The following KMT2C variants were observed in gnomAD, a reference collection of about 807,000 sequenced individuals.
The protein encoded by KMT2C is histone-lysine N-methyltransferase 2C.
A neutral mutation model predicts 507.9 loss-of-function variants in KMT2C; 88 were observed. The observed-to-expected ratio is 0.17, with a 90% CI of 0.15 to 0.21. The LOEUF is 0.21. KMT2C is among the 10% of genes least tolerant of loss of function. KMT2C has a pLI of 1.00. For missense variants in KMT2C, 4,954 were observed against 5,957.8 expected, an observed-to-expected ratio of 0.83 and a Z score of 5.55; for synonymous variants, 2,049 against 2,080.8, an observed-to-expected ratio of 0.98 and a Z score of 0.42.
intron 1 of KMT2C, among the ~76,000 whole-genome samples, chr7:152,359,331 T>G (rs2097177248): frequency 6.7e-6 from 1 of 149,994 alleles, no homozygotes; most frequent in Non-Finnish European, 1.5e-5. Flanking sequence ...CTTTGAATTG[T>G]ACTAAATACG....
At chr7:152,175,525 T>C (rs915923269) in intron 38 of KMT2C, among the ~76,000 whole-genome samples, 1 of 149,182 alleles carries the variant, frequency 6.7e-6, no homozygotes, top group African/African-American at 2.5e-5. Flanking sequence ...TGTCCATGTG[T>C]TCTCACTGTT....
At chr7:152,317,936 G>A (rs993870701) in intron 3 of KMT2C, among the ~76,000 whole-genome samples, 8 of 151,942 alleles carry the variant, frequency 5.3e-5, no homozygotes, top group African/African-American at 1.7e-4. Context: ...TCTGGAGTTC[G>A]AGACCAGCCC....
At chr7:152,397,224 C>T (rs1179645855) in intron 1 of KMT2C, among the ~76,000 whole-genome samples, 3 of 150,266 alleles carry the variant, frequency 2.0e-5, no homozygotes, top group African/African-American at 7.4e-5. Flanking sequence ...TAGATGGAGT[C>T]TCACTCTGTT....
At chr7:152,222,735 C>T in intron 20 of KMT2C, 53 bp from the exon 21 acceptor site, 4 of 989,824 alleles carry the variant, frequency 4.0e-6, no homozygotes, top group South Asian at 2.7e-5. Context: ...ATACTGAGAA[C>T]TGCTACCTTT....
chr7:152,157,990 T>C, intron 44 of KMT2C: 1 of 1,160,476 alleles, frequency 8.6e-7, no homozygotes, highest in Non-Finnish European at 1.1e-6. Flanking sequence ...CTCAACTTTC[T>C]AAGACCCGAA....
chr7:152,367,250 G>C, intron 1 of KMT2C: 2 of 1,398,482 alleles, frequency 1.4e-6, no homozygotes, highest in Non-Finnish European at 2.0e-6. Context: ...ACGGTCATCA[G>C]AGAAGAAGGA....
chr7:152,302,261 A>C (rs900369541), intron 6 of KMT2C, among the ~76,000 whole-genome samples: 17 of 151,694 alleles, frequency 1.1e-4, no homozygotes, highest in African/African-American at 4.1e-4. Context: ...TTTGAGATGG[A>C]GTTTTAGGCA....
chr7:152,228,831 C>T (rs2095018945), intron 18 of KMT2C, among the ~76,000 whole-genome samples: 1 of 152,056 alleles, frequency 6.6e-6, no homozygotes, highest in Non-Finnish European at 1.5e-5. Context: ...TTTTAATTGG[C>T]TTTATATACT....
At chr7:152,423,596 G>T (rs2097792086) in intron 1 of KMT2C, among the ~76,000 whole-genome samples, 1 of 152,172 alleles carries the variant, frequency 6.6e-6, no homozygotes, top group Non-Finnish European at 1.5e-5. Context: ...TAGATAAAGG[G>T]AGACACTCCT....
chr7:152,286,010 A>AAT (rs2096290495), intron 6 of KMT2C, among the ~76,000 whole-genome samples: 1 of 152,298 alleles, frequency 6.6e-6, no homozygotes, highest in African/African-American at 2.4e-5. Flanking sequence ...TTCTACAACT[A>AAT]ATAAGTATGG....
intron 9 of KMT2C, among the ~76,000 whole-genome samples, chr7:152,255,706 T>C (rs1298862926): frequency 6.6e-6 from 1 of 152,118 alleles, no homozygotes; most frequent in Non-Finnish European, 1.5e-5. Flanking sequence ...AGGTTCCAGA[T>C]ATAAGTTCAA....
intron 23 of KMT2C, among the ~76,000 whole-genome samples, chr7:152,215,119 G>T (rs2129142649): frequency 6.6e-6 from 1 of 151,866 alleles, no homozygotes; most frequent in South Asian, 2.1e-4. Context: ...AGTTTTAAAT[G>T]CATTATGTCT....
At chr7:152,315,419 T>C in intron 3 of KMT2C, 81 bp from the exon 4 acceptor site, 1 of 974,030 alleles carries the variant, frequency 1.0e-6, no homozygotes, top group Non-Finnish European at 1.6e-6. Flanking sequence ...TAGATACTTG[T>C]GCTTTTAAAT....
intron 15 of KMT2C, among the ~76,000 whole-genome samples, chr7:152,237,325 A>C (rs2095295487): frequency 6.6e-6 from 1 of 151,954 alleles, no homozygotes; most frequent in Admixed American, 6.5e-5. Context: ...GAACAAAAGG[A>C]ACGGGAGGAA....
chr7:152,394,389 T>G (rs1293937979), intron 1 of KMT2C, among the ~76,000 whole-genome samples: 3 of 152,312 alleles, frequency 2.0e-5, no homozygotes, highest in Non-Finnish European at 4.4e-5. Context: ...ACTCAGCTCC[T>G]GCCACACTGG....
chr7:152,285,030 A>C lies in KMT2C; in HGVS notation c.850-11163T>G, dbSNP rs528152877. 6.6e-5 allele frequency among the ~76,000 whole-genome samples: 10 copies of C among 152,376 alleles called. No individual in the cohort carries two copies. The South Asian group carries it at 2.1e-3, about 32-fold the overall frequency. ...CAAAGTTAAGAATATATTTCCAACA[A>C]GTCAGAAATTCCAGTCCTAGGTATT... is the stretch of plus-strand genomic sequence containing the variant. On this transcript the variant is annotated intron_variant, in intron 6 of 58. Coordinates refer to ENST00000262189, the MANE Select transcript of KMT2C (RefSeq NM_170606.3).
At chr7:152,240,953 T>G (rs2095371204) in intron 14 of KMT2C, among the ~76,000 whole-genome samples, 1 of 152,194 alleles carries the variant, frequency 6.6e-6, no homozygotes, top group Non-Finnish European at 1.5e-5. Context: ...AAAGTACAAA[T>G]GTGATCAAGC....
At chr7:152,359,671 A>C (rs1200666637) in intron 1 of KMT2C, among the ~76,000 whole-genome samples, 1 of 152,164 alleles carries the variant, frequency 6.6e-6, no homozygotes, top group Non-Finnish European at 1.5e-5. Context: ...TAAAGAAAAA[A>C]AACAAAGAAG....
Position 152,315,323 on chromosome 7 carries a change from A to C in KMT2C, c.405T>G (p.Ala135=), listed in dbSNP as rs2096712210. ...VEAKISEQLC[A]FCYCGEKSSL... is the part of the protein sequence containing the mutation. The stretch of plus-strand genomic sequence containing the variant: ...AACTTTTTTCCCCACAGTAACAAAA[A>C]GCGCAGAGCTGTTCACTAGTAAAAA... Residue 135 remains alanine, a synonymous_variant, in exon 4 of 59, where the codon GCT becomes GCG. Transcript: ENST00000262189. 3 of 1,613,704 alleles carry C rather than the reference A, an allele frequency of 1.9e-6. No homozygotes were observed. Among genetic ancestry groups the C allele is most frequent in the Non-Finnish European group, 1.7e-6 (2 of 1,179,706 alleles).
Sources: gnomAD v4.1 joint callset for allele counts (sites outside exome capture counted in the v4.1 genomes callset) on GRCh38, gnomAD v4.1.1 for gene constraint, MANE v1.5 for transcripts, NCBI Gene and HGNC (gene_info 2026-07-23, HGNC 2026-07-21) for gene names.